HAUS7: variants seen among roughly 807,000 people sequenced by gnomAD.
HAUS7 encodes the protein HAUS augmin-like complex subunit 7.
HAUS7 carries 3 observed loss-of-function variants against 28.4 expected under a neutral mutation model. The observed-to-expected ratio is 0.11, with a 90% CI of 0.05 to 0.27. HAUS7 has a LOEUF of 0.27. Ranked by LOEUF, HAUS7 falls within the 10% of genes least tolerant of loss-of-function variation. HAUS7 has a pLI of 1.00. For synonymous variants in HAUS7, 165 were observed against 132.1 expected, an observed-to-expected ratio of 1.25 and a Z score of -1.71; for missense variants, 284 against 297.3, an observed-to-expected ratio of 0.96 and a Z score of 0.33.
chrX:153,455,445 G>C (rs1174106969), intron 8 of HAUS7, 97 bp downstream of exon 8: 2 of 564,369 alleles, frequency 3.5e-6, no homozygotes, highest in Non-Finnish European at 5.9e-6. Flanking sequence ...CCCTTGTCAG[G>C]GGCTGCTGAG....
At chrX:153,465,703 G>T (rs1204785833) in intron 2 of HAUS7, among the ~76,000 whole-genome samples, 1 of 112,346 alleles carries the variant, frequency 8.9e-6, no homozygotes, top group Non-Finnish European at 1.9e-5. Context: ...CATGCACAGC[G>T]CATGGAAGGC....
chrX:153,489,534 G>A (rs1188654887), intron 1 of HAUS7, among the ~76,000 whole-genome samples: 1 of 112,615 alleles, frequency 8.9e-6, no homozygotes, highest in Non-Finnish European at 1.9e-5. Context: ...TGTGACTAGG[G>A]TCAGAAGGGA....
intron 1 of HAUS7, among the ~76,000 whole-genome samples, chrX:153,478,286 C>G (rs2089575428): frequency 8.9e-6 from 1 of 112,157 alleles, no homozygotes; most frequent in African/African-American, 3.2e-5. Flanking sequence ...GGACTTCCGG[C>G]AGCCCTCTGA....
chrX:153,458,331 G>A (rs1270907524), intron 4 of HAUS7, among the ~76,000 whole-genome samples: 1 of 112,966 alleles, frequency 8.9e-6, no homozygotes, highest in East Asian at 2.8e-4. Flanking sequence ...TGATCTGGGG[G>A]CAGCGGGCTG....
chrX:153,481,544 C>T (rs2124176167), intron 1 of HAUS7: 2 of 756,501 alleles, frequency 2.6e-6, no homozygotes, highest in Non-Finnish European at 3.1e-6. Flanking sequence ...CCCTCTCTGC[C>T]GGCCTCGTGC....
chrX:153,460,678 T>C (rs2089377139), intron 4 of HAUS7, among the ~76,000 whole-genome samples: 1 of 111,536 alleles, frequency 9.0e-6, no homozygotes, highest in South Asian at 3.7e-4. Context: ...TGTGGAAATA[T>C]AAAGCAAGCG....
At chrX:153,452,153 G>A (rs1167618433) in intron 9 of HAUS7, among the ~76,000 whole-genome samples, 1 of 112,018 alleles carries the variant, frequency 8.9e-6, no homozygotes, top group Non-Finnish European at 1.9e-5. Context: ...AAGTACAAAA[G>A]AATTCTATAT....
intron 1 of HAUS7, chrX:153,482,028 CT>C: frequency 2.7e-6 from 1 of 376,912 alleles, no homozygotes; most frequent in Non-Finnish European, 3.4e-6. Context: ...GGTGGAGCTG[CT>C]TAGGGGGTAA....
intron 2 of HAUS7, among the ~76,000 whole-genome samples, chrX:153,468,785 G>A (rs1012766586): frequency 8.9e-6 from 1 of 112,681 alleles, no homozygotes; most frequent in Admixed American, 9.3e-5. Context: ...CCTCCAGCCT[G>A]ACCCTTGGCT....
At chrX:153,457,719 G>A (rs967667587) in intron 4 of HAUS7, among the ~76,000 whole-genome samples, 1 of 113,313 alleles carries the variant, frequency 8.8e-6, no homozygotes, top group African/African-American at 3.2e-5. Context: ...CCAGGCTCCA[G>A]GAGCAGCAGC....
intron 3 of HAUS7, among the ~76,000 whole-genome samples, chrX:153,464,455 T>C (rs1409460908): frequency 8.9e-6 from 1 of 112,354 alleles, no homozygotes; most frequent in Non-Finnish European, 1.9e-5. Flanking sequence ...GTCCAGCTTA[T>C]CTACCCTGGA....
intron 1 of HAUS7, chrX:153,479,485 G>T (rs1014693581): frequency 1.9e-5 from 10 of 532,676 alleles, no homozygotes; most frequent in Non-Finnish European, 2.1e-5. Flanking sequence ...CCATGGCCCT[G>T]AGAGAGCCCT....
At chrX:153,457,605 C>T (rs1328446751) in intron 4 of HAUS7, among the ~76,000 whole-genome samples, 1 of 113,258 alleles carries the variant, frequency 8.8e-6, no homozygotes, top group Non-Finnish European at 1.9e-5. Flanking sequence ...GCCTGTTCTC[C>T]TCCAAGGATC....
intron 1 of HAUS7, chrX:153,487,172 G>A (rs1397843242): frequency 4.9e-6 from 1 of 204,971 alleles, no homozygotes. Context: ...CAGCTTCTCT[G>A]AGAGCCTCCC....
At chrX:153,485,910 G>A in intron 1 of HAUS7, 7 of 950,395 alleles carry the variant, frequency 7.4e-6, no homozygotes, top group Non-Finnish European at 9.5e-6. Context: ...ATGAAGCCAG[G>A]CCTAGAGTTC....
chrX:153,454,109 G>A (rs1363464945), intron 9 of HAUS7, among the ~76,000 whole-genome samples: 2 of 112,136 alleles, frequency 1.8e-5, no homozygotes, highest in South Asian at 3.7e-4. Flanking sequence ...CACCGCGCCT[G>A]GCCCAAGTTA....
upstream of HAUS7, among the ~76,000 whole-genome samples, chrX:153,472,362 C>A (rs1157837952): frequency 9.0e-6 from 1 of 111,355 alleles, no homozygotes; most frequent in Non-Finnish European, 1.9e-5. Context: ...CCCTCAGCCC[C>A]TGGAGATGGT....
At chrX:153,475,631 A>T (rs2089557833) in intron 1 of HAUS7, among the ~76,000 whole-genome samples, 1 of 112,478 alleles carries the variant, frequency 8.9e-6, no homozygotes, top group Non-Finnish European at 1.9e-5. Context: ...ACTGACATAT[A>T]AGATAGCTGC....
chrX:153,461,286 C>G (rs2089386440), intron 4 of HAUS7, among the ~76,000 whole-genome samples: 1 of 111,775 alleles, frequency 8.9e-6, no homozygotes, highest in African/African-American at 3.3e-5. Context: ...GGACTCTCAA[C>G]CACAGGAGAG....
Sources: allele counts gnomAD v4.1 joint callset (sites outside exome capture counted in the v4.1 genomes callset), GRCh38; gene constraint gnomAD v4.1.1; transcripts MANE v1.5; gene names NCBI Gene and HGNC (gene_info 2026-07-23, HGNC 2026-07-21).